Variants in LEPR observed in about 807,000 individuals in gnomAD.
LEPR encodes leptin receptor, also known as OB receptor.
Under a neutral mutation model 114.7 loss-of-function variants are expected in LEPR, and 56 were observed. The observed-to-expected ratio is 0.49, with a 90% CI of 0.39 to 0.61. LEPR has a LOEUF of 0.61. LEPR is among the 20% of genes least tolerant of loss of function. LEPR has a pLI of 0.00. For synonymous variants in LEPR, 443 were observed against 461.4 expected (o/e 0.96, Z 0.51); for missense variants, 1,202 against 1,352.9 (o/e 0.89, Z 1.75).
chr1:65,548,932 T>C (rs957995408), intron 2 of LEPR, among the ~76,000 whole-genome samples: 1 of 152,246 alleles, frequency 6.6e-6, no homozygotes, highest in African/African-American at 2.4e-5. Context: ...GGCATGATTT[T>C]GCAGTGGCTG....
intron 6 of LEPR, among the ~76,000 whole-genome samples, chr1:65,596,121 T>C (rs1461254429): frequency 6.6e-6 from 1 of 152,096 alleles, no homozygotes; most frequent in African/African-American, 2.4e-5. Context: ...AGACTTCAGA[T>C]AAGTTTTAGG....
intron 2 of LEPR, among the ~76,000 whole-genome samples, chr1:65,479,184 A>G (rs1647190355): frequency 6.6e-6 from 1 of 152,192 alleles, no homozygotes; most frequent in Non-Finnish European, 1.5e-5. Flanking sequence ...GGAAAAAGGC[A>G]CAGGGAGGAA....
At chr1:65,434,031 T>C (rs1646524429) in intron 2 of LEPR, 4 of 985,206 alleles carry the variant, frequency 4.1e-6, no homozygotes, top group Non-Finnish European at 4.8e-6. Context: ...TGCAAAAGTG[T>C]TTTTGTTGCT....
chr1:65,457,628 T>C (rs1009547337), intron 2 of LEPR, among the ~76,000 whole-genome samples: 1 of 152,186 alleles, frequency 6.6e-6, no homozygotes, highest in Non-Finnish European at 1.5e-5. Context: ...TAACATACAT[T>C]GTACCTATTA....
At chr1:65,553,690 T>C (rs893806294) in intron 2 of LEPR, among the ~76,000 whole-genome samples, 1 of 152,154 alleles carries the variant, frequency 6.6e-6, no homozygotes, top group African/African-American at 2.4e-5. Context: ...GAGTTTGTTA[T>C]TACCCACCTT....
At chr1:65,531,671 GT>G (rs1024753450) in intron 2 of LEPR, among the ~76,000 whole-genome samples, 6 of 151,996 alleles carry the variant, frequency 3.9e-5, no homozygotes, top group Non-Finnish European at 8.8e-5. Context: ...GAATGCTATT[GT>G]TTGTTCATTT....
chr1:65,577,057 A>G lies in LEPR; in HGVS notation c.494+4608A>G. 3 of 231,836 alleles carry G rather than the reference A, an allele frequency of 1.3e-5. 1 individual carries two copies. The South Asian group carries it at 2.0e-4, about 16-fold the overall frequency. The allele number at this position is 231,836 out of a possible 1,614,324, so 14.4% of individuals were successfully genotyped here. A position where few individuals can be genotyped will look rare whatever the true frequency, so the allele number is the denominator to read the frequency against. On this transcript the variant is annotated intron_variant, in intron 5 of 19. Transcript: ENST00000349533. ...AGCTCCTATTTGAAGTGCAGCCCTC[A>G]GTTGAATCCTCCACGGACAACAGAG...
intron 5 of LEPR, chr1:65,576,979 A>T (rs1291889859): frequency 3.2e-6 from 1 of 314,918 alleles, no homozygotes; most frequent in Non-Finnish European, 6.3e-6. Flanking sequence ...ATTATCGGTG[A>T]CTTTGTTGGT....
chr1:65,613,475 C>T lies in LEPR; in HGVS notation c.1996-2533C>T, dbSNP rs1006218543. Reference sequence around the variant, plus strand: ...GAAATCTTTAAGATTCAACAGGGGCCGGGCGCGGTGGCTCACGCCTGTAAT... The same window carrying T: ...GAAATCTTTAAGATTCAACAGGGGCTGGGCGCGGTGGCTCACGCCTGTAAT... On this transcript the variant is annotated intron_variant, in intron 14 of 19. Transcript: ENST00000349533. Among the ~76,000 whole-genome samples the T allele has an allele frequency of 2.0e-4, 19 of 97,284 alleles. 3 individuals carry two copies. Among genetic ancestry groups the T allele is most frequent in the Non-Finnish European group, 2.4e-4 (11 of 44,952 alleles). 63.8% of individuals were successfully genotyped at this position (97,284 alleles called of 152,430 possible).
intron 2 of LEPR, among the ~76,000 whole-genome samples, chr1:65,446,401 T>G (rs1172073370): frequency 6.6e-6 from 1 of 152,196 alleles, no homozygotes; most frequent in Non-Finnish European, 1.5e-5. Context: ...TGCTAATACA[T>G]TATAATTAGT....
intron 5 of LEPR, among the ~76,000 whole-genome samples, chr1:65,581,939 C>T (rs1444090760): frequency 6.6e-6 from 1 of 152,208 alleles, no homozygotes; most frequent in Non-Finnish European, 1.5e-5. Flanking sequence ...TAAATTATCT[C>T]TCACTTCCTT....
intron 2 of LEPR, among the ~76,000 whole-genome samples, chr1:65,441,378 C>T (rs911117060): frequency 6.6e-6 from 1 of 152,046 alleles, no homozygotes; most frequent in Non-Finnish European, 1.5e-5. Flanking sequence ...ACTTTGGTGC[C>T]ATTTAGGCAT....
chr1:65,634,712 A>G (rs1359760276), intron 19 of LEPR: 1 of 951,716 alleles, frequency 1.1e-6, no homozygotes, highest in African/African-American at 1.8e-5. Context: ...TTTTGTATGT[A>G]TTCCTTGTTT....
intron 1 of LEPR, among the ~76,000 whole-genome samples, chr1:65,424,441 G>A (rs1223317158): frequency 6.6e-6 from 1 of 152,168 alleles, no homozygotes; most frequent in Non-Finnish European, 1.5e-5. Context: ...TCCTTCACTG[G>A]AGTTATGTGG....
At chr1:65,524,110 A>G (rs565086923) in intron 2 of LEPR, among the ~76,000 whole-genome samples, 1 of 152,372 alleles carries the variant, frequency 6.6e-6, no homozygotes, top group Non-Finnish European at 1.5e-5. Flanking sequence ...TTTAGTCTCC[A>G]GAGCAGTGAG....
At chr1:65,475,487 A>G (rs761707280) in intron 2 of LEPR, among the ~76,000 whole-genome samples, 7 of 152,164 alleles carry the variant, frequency 4.6e-5, no homozygotes, top group African/African-American at 4.8e-5. Context: ...TGGTATCCTG[A>G]ATTCTTCCCT....
At chr1:65,433,923 A>G (rs2100242395) in intron 2 of LEPR, 1 of 985,214 alleles carries the variant, frequency 1.0e-6, no homozygotes, top group East Asian at 1.1e-4. Context: ...CTAACAGAAC[A>G]GTAGCAATAA....
chr1:65,421,774 G>A (rs1205837464), intron 1 of LEPR, among the ~76,000 whole-genome samples: 1 of 152,106 alleles, frequency 6.6e-6, no homozygotes, highest in Non-Finnish European at 1.5e-5. Flanking sequence ...GAAAACAGAT[G>A]AAAAGTAGTG....
chr1:65,598,095 C>CTTTTTTCTGTTTT (rs1656194332), intron 7 of LEPR, among the ~76,000 whole-genome samples: 1 of 101,490 alleles, frequency 9.9e-6, no homozygotes, highest in African/African-American at 4.4e-5. Flanking sequence ...CCTCCTGCCT[C>CTTTTTTCTGTTTT]TTTTTTTTTT....
Sources: allele counts gnomAD v4.1 joint callset (sites outside exome capture counted in the v4.1 genomes callset), GRCh38; gene constraint gnomAD v4.1.1; transcripts MANE v1.5; gene names NCBI Gene and HGNC (gene_info 2026-07-23, HGNC 2026-07-21).